RBPMS: variants seen among roughly 807,000 people sequenced by gnomAD.
RBPMS encodes the protein RNA binding protein, mRNA processing factor.
Under a neutral mutation model 26.8 loss-of-function variants are expected in RBPMS, and 7 were observed. The observed-to-expected ratio is 0.26, with a 90% CI of 0.15 to 0.49. RBPMS has a LOEUF of 0.49. RBPMS is among the 20% of genes least tolerant of loss of function. The pLI is 0.98. For missense variants in RBPMS, 186 were observed against 250.0 expected, an observed-to-expected ratio of 0.74 and a Z score of 1.73; for synonymous variants, 96 against 93.3, an observed-to-expected ratio of 1.03 and a Z score of -0.17.
At chr8:30,409,175 C>T (rs916333528) in intron 1 of RBPMS, among the ~76,000 whole-genome samples, 1 of 151,212 alleles carries the variant, frequency 6.6e-6, no homozygotes, top group Non-Finnish European at 1.5e-5. Flanking sequence ...CCCTCAATGT[C>T]TAGTGCCTAG....
chr8:30,408,356 C>G (rs116962070), intron 1 of RBPMS, among the ~76,000 whole-genome samples: 3,995 of 152,264 alleles, frequency 0.026, 85 homozygotes, highest in Non-Finnish European at 0.033. Context: ...TGGCGAAACT[C>G]TGTCTCTACT....
intron 1 of RBPMS, among the ~76,000 whole-genome samples, chr8:30,410,878 C>T (rs779352788): frequency 1.3e-4 from 19 of 151,878 alleles, no homozygotes; most frequent in African/African-American, 3.9e-4. Flanking sequence ...CAGGACTGCA[C>T]GTGCACACAG....
intron 7 of RBPMS, chr8:30,561,966 A>G (rs1251792580): frequency 5.1e-6 from 5 of 985,226 alleles, no homozygotes; most frequent in Non-Finnish European, 6.0e-6. Flanking sequence ...TGGCTACTAG[A>G]AGGACGAACA....
At chr8:30,472,038 A>G (rs1563350912) in intron 1 of RBPMS, among the ~76,000 whole-genome samples, 1 of 152,246 alleles carries the variant, frequency 6.6e-6, no homozygotes, top group Non-Finnish European at 1.5e-5. Context: ...CCTTTCATAT[A>G]TAGGCATTCC....
intron 1 of RBPMS, among the ~76,000 whole-genome samples, chr8:30,429,024 A>G (rs1403198902): frequency 6.6e-6 from 1 of 152,180 alleles, no homozygotes; most frequent in Non-Finnish European, 1.5e-5. Flanking sequence ...TGGTGAGAAA[A>G]AAGATGTCAT....
chr8:30,564,343 G>C (rs1437980670), intron 7 of RBPMS: 2 of 152,240 alleles, frequency 1.3e-5, no homozygotes, highest in Non-Finnish European at 2.9e-5. Flanking sequence ...AGAGTGTGCA[G>C]GGCCCTCCTC....
chr8:30,566,382 A>G (rs1827886794), intron 8 of RBPMS, 22 bp downstream of exon 8: 28 of 831,140 alleles, frequency 3.4e-5, no homozygotes, highest in Non-Finnish European at 3.9e-5. Flanking sequence ...TCAGGGCTGA[A>G]CAAGCCCTCA....
intron 1 of RBPMS, among the ~76,000 whole-genome samples, chr8:30,409,906 T>C (rs191051396): frequency 5.6e-4 from 85 of 152,082 alleles, no homozygotes; most frequent in Admixed American, 2.2e-3. Context: ...GCTGGGATTA[T>C]AGGCGTGAGC....
intron 5 of RBPMS, among the ~76,000 whole-genome samples, chr8:30,523,959 T>A (rs1383614167): frequency 6.6e-6 from 1 of 152,194 alleles, no homozygotes; most frequent in Non-Finnish European, 1.5e-5. Context: ...TTTTAAGTTG[T>A]TTGAATCAAC....
chr8:30,554,298 AT>A (rs1262195959), intron 6 of RBPMS, among the ~76,000 whole-genome samples: 2 of 152,212 alleles, frequency 1.3e-5, no homozygotes, highest in Non-Finnish European at 2.9e-5. Context: ...GATCCACCAA[AT>A]GCTACCACTG....
At chr8:30,491,454 G>A (rs1048352282) in intron 4 of RBPMS, among the ~76,000 whole-genome samples, 1 of 152,122 alleles carries the variant, frequency 6.6e-6, no homozygotes, top group Non-Finnish European at 1.5e-5. Flanking sequence ...GCACACACAG[G>A]GTGGGAGGTT....
intron 1 of RBPMS, among the ~76,000 whole-genome samples, chr8:30,410,143 T>TACACACACACACACACACAC (rs34489233): frequency 7.6e-6 from 1 of 132,096 alleles, no homozygotes; most frequent in Non-Finnish European, 1.6e-5. Flanking sequence ...TGACTTAAAA[T>TACACACACACACACACACAC]ACACACACAC....
chr8:30,552,782 T>C (rs1432850701), intron 6 of RBPMS: 1 of 152,258 alleles, frequency 6.6e-6, no homozygotes, highest in African/African-American at 2.4e-5. Flanking sequence ...GAAAAGAGTC[T>C]AAGAGCCCAG....
chr8:30,452,736 A>G (rs1001273877), intron 1 of RBPMS, among the ~76,000 whole-genome samples: 5 of 152,240 alleles, frequency 3.3e-5, no homozygotes, highest in Non-Finnish European at 5.9e-5. Flanking sequence ...GGGATATACC[A>G]GGACAATTAG....
At chr8:30,419,450 A>ATATG (rs1554509328) in intron 1 of RBPMS, among the ~76,000 whole-genome samples, 10,173 of 143,280 alleles carry the variant, frequency 0.071, 705 homozygotes, top group African/African-American at 0.18. Flanking sequence ...CATCTCAAAA[A>ATATG]TGTGTGTGTG....
chr8:30,532,492 GTTTTTA>G (rs1370329211), intron 5 of RBPMS, among the ~76,000 whole-genome samples: 3 of 152,130 alleles, frequency 2.0e-5, no homozygotes, highest in Non-Finnish European at 4.4e-5. Context: ...CTAGGTGTTA[GTTTTTA>G]TTTTTATCTG....
Position 30,558,925 on chromosome 8 carries a change from C to T in RBPMS, c.567C>T (p.Gly189=), listed in dbSNP as rs759118691. The T allele has an allele frequency of 3.7e-6, 6 of 1,614,036 alleles. No individual in the cohort carries two copies. Among genetic ancestry groups the T allele is most frequent in the Non-Finnish European group, 5.1e-6 (6 of 1,180,028 alleles). Reference sequence around the variant, plus strand: ...CTCCCTCCGAGGCTACTTCTCAGGGCTGGAAGTCCCGTCAGTTCTGCTGAA... The same window carrying T: ...CTCCCTCCGAGGCTACTTCTCAGGGTTGGAAGTCCCGTCAGTTCTGCTGAA... ...WLPPSEATSQ[G]WKSRQFC The change falls in exon 7 of 9, where the codon GGC becomes GGT. Residue 189 remains glycine, a synonymous_variant. Coordinates refer to ENST00000397323, the MANE Select transcript of RBPMS (RefSeq NM_001008710.3).
intron 5 of RBPMS, among the ~76,000 whole-genome samples, chr8:30,506,085 G>A (rs1051405433): frequency 2.0e-5 from 3 of 152,096 alleles, no homozygotes; most frequent in Non-Finnish European, 2.9e-5. Context: ...CAACAGCCCT[G>A]TGAAATAGGT....
rs13439587 is a variant in RBPMS at position 30,514,311 on chromosome 8, A to G, written c.397+9875A>G. Among the ~76,000 whole-genome samples the G allele has an allele frequency of 9.6e-3, 1,461 of 152,272 alleles. 20 individuals are homozygous for G. The highest frequency in any genetic ancestry group is 0.034 in the African/African-American group (1,397 of 41,558). On this transcript the variant is annotated intron_variant, in intron 5 of 8. Transcript: ENST00000397323. ...GTTCTGTAGTTCTTTTAAGGTATGAAGTAAATGGCTGCTTCCTTTAATCCA... is the reference window on the plus strand; with the variant it reads ...GTTCTGTAGTTCTTTTAAGGTATGAGGTAAATGGCTGCTTCCTTTAATCCA...
Sources: allele counts gnomAD v4.1 joint callset (sites outside exome capture counted in the v4.1 genomes callset), GRCh38; gene constraint gnomAD v4.1.1; transcripts MANE v1.5; gene names NCBI Gene and HGNC (gene_info 2026-07-23, HGNC 2026-07-21).